ANKRD20A1: variants seen among roughly 807,000 people sequenced by gnomAD.
ANKRD20A1 encodes ankyrin repeat domain-containing protein 20A1.
ANKRD20A1 carries 2 observed loss-of-function variants against 50.9 expected under a neutral mutation model. The ratio of observed to expected loss-of-function variants is 0.04; its 90% CI spans 0.02 to 0.12. ANKRD20A1 has a LOEUF of 0.12. Ranked by LOEUF, ANKRD20A1 falls within the 10% of genes least tolerant of loss-of-function variation. The pLI is 1.00. For missense variants in ANKRD20A1, 31 were observed against 548.1 expected (o/e 0.06, Z 9.42); for synonymous variants, 10 against 186.2 (o/e 0.05, Z 7.70).
intron 11 of ANKRD20A1, among the ~76,000 whole-genome samples, chr9:67,888,895 G>C (rs1827907465): frequency 6.6e-6 from 1 of 150,760 alleles, no homozygotes; most frequent in Admixed American, 6.6e-5. Context: ...TGTCTGTCCT[G>C]TCTCACGGTG....
chr9:67,882,996 A>G (rs1025358012), intron 8 of ANKRD20A1, among the ~76,000 whole-genome samples: 2 of 151,018 alleles, frequency 1.3e-5, no homozygotes, highest in African/African-American at 2.4e-5. Flanking sequence ...ATAGTATTCC[A>G]TGGTGTATAT....
At chr9:67,871,617 A>T (rs934396319) in intron 6 of ANKRD20A1, among the ~76,000 whole-genome samples, 3 of 136,958 alleles carry the variant, frequency 2.2e-5, no homozygotes, top group Non-Finnish European at 4.8e-5. Context: ...CTTCGATTTC[A>T]TTTTTATAAT....
intron 7 of ANKRD20A1, 176 bp downstream of exon 7, chr9:67,877,966 CAACTATGGATT>C (rs1827759523): frequency 6.1e-6 from 1 of 162,626 alleles, no homozygotes; most frequent in South Asian, 5.8e-5. Flanking sequence ...ATTAAATAAA[CAACTATGGATT>C]AGAGCTGATT....
chr9:67,865,622 A>G (rs1216609964), intron 3 of ANKRD20A1, among the ~76,000 whole-genome samples: 1 of 146,068 alleles, frequency 6.8e-6, no homozygotes, highest in Non-Finnish European at 1.5e-5. Flanking sequence ...ACTCGTGAAG[A>G]AATGTGGACT....
intron 11 of ANKRD20A1, among the ~76,000 whole-genome samples, chr9:67,888,884 ATGTC>A (rs1188453079): frequency 2.6e-5 from 4 of 150,986 alleles, no homozygotes; most frequent in African/African-American, 9.7e-5. Flanking sequence ...TTTAAAATTT[ATGTC>A]TGTCCTGTCT....
rs1348953196 is a variant in ANKRD20A1 at position 67,884,266 on chromosome 9, T to C, written c.895-220T>C. 1.5e-3 allele frequency among the ~76,000 whole-genome samples: 225 copies of C among 150,040 alleles called. 4 individuals are homozygous for C. Among genetic ancestry groups the C allele is most frequent in the African/African-American group, 5.2e-3 (215 of 41,260 alleles). On this transcript the variant is annotated intron_variant, in intron 8 of 14. Transcript: ENST00000562196. ...TAACAATAAAAACATTAGCATGGCA[T>C]GATGGGACGCACCTGTAGTTCCAGC... is the stretch of plus-strand genomic sequence containing the variant.
intron 9 of ANKRD20A1, among the ~76,000 whole-genome samples, chr9:67,885,367 T>TGG (rs1475282058): frequency 2.0e-5 from 3 of 152,294 alleles, no homozygotes; most frequent in Non-Finnish European, 4.4e-5. Context: ...TCCTCACTAC[T>TGG]GGGGAGGCAT....
chr9:67,868,085 G>A (rs1476786307), intron 4 of ANKRD20A1, among the ~76,000 whole-genome samples: 1 of 126,026 alleles, frequency 7.9e-6, no homozygotes, highest in African/African-American at 2.8e-5. Context: ...ATTTGACTAG[G>A]AAAGCAACGG....
At chr9:67,900,256 CT>C (rs1318456423) in intron 14 of ANKRD20A1, among the ~76,000 whole-genome samples, 2 of 20,196 alleles carry the variant, frequency 9.9e-5, no homozygotes, top group African/African-American at 2.2e-4. Context: ...TAAAAATTCT[CT>C]GGTGTGTGTG....
At chr9:67,881,209 T>C (rs1231631484) in intron 8 of ANKRD20A1, among the ~76,000 whole-genome samples, 58 of 143,600 alleles carry the variant, frequency 4.0e-4, no homozygotes, top group Admixed American at 1.2e-3. Flanking sequence ...AACCCAGGAG[T>C]TTGAGAACAG....
intron 6 of ANKRD20A1, among the ~76,000 whole-genome samples, chr9:67,876,824 G>T (rs1282684342): frequency 1.4e-5 from 1 of 71,044 alleles, no homozygotes; most frequent in East Asian, 7.0e-4. Flanking sequence ...CAAAATAAGT[G>T]CAGTAGCTCC....
At chr9:67,881,362 C>T (rs1264383974) in intron 8 of ANKRD20A1, among the ~76,000 whole-genome samples, 2 of 149,092 alleles carry the variant, frequency 1.3e-5, no homozygotes, top group African/African-American at 4.9e-5. Flanking sequence ...GGCACTTCAT[C>T]TAATTGAATA....
chr9:67,885,519 A>C (rs1827867097), intron 9 of ANKRD20A1, among the ~76,000 whole-genome samples: 2 of 152,310 alleles, frequency 1.3e-5, no homozygotes, highest in South Asian at 4.1e-4. Flanking sequence ...ATATAGGCCA[A>C]ATTAACATAA....
chr9:67,860,366 C>G (rs1223014732), intron 1 of ANKRD20A1: 1 of 45,486 alleles, frequency 2.2e-5, no homozygotes, highest in African/African-American at 1.2e-4. Context: ...TATTATATAT[C>G]ATAAGATATA....
intron 8 of ANKRD20A1, among the ~76,000 whole-genome samples, chr9:67,882,285 T>A: frequency 6.6e-6 from 1 of 151,610 alleles, no homozygotes; most frequent in East Asian, 2.0e-4. Context: ...TCAGCCTTAA[T>A]AATGTTTAAT....
At chr9:67,871,633 GTTTATA>G (rs1827648554) in intron 6 of ANKRD20A1, among the ~76,000 whole-genome samples, 5 of 135,170 alleles carry the variant, frequency 3.7e-5, no homozygotes, top group Admixed American at 3.6e-4. Context: ...ATAATAAATT[GTTTATA>G]TTTAGTAAAC....
chr9:67,861,328 A>G lies in ANKRD20A1; in HGVS notation c.204-1613A>G, dbSNP rs1827498317. On this transcript the variant is annotated intron_variant, in intron 1 of 14. Coordinates refer to ENST00000562196, the MANE Select transcript of ANKRD20A1 (RefSeq NM_032250.5). ...TATTATGTACATATGTTTTGCTTAT[A>G]TACTCATTCCATTTATGCAAACATA... Among the ~76,000 whole-genome samples, 2 of 47,720 alleles carry G rather than the reference A, an allele frequency of 4.2e-5. 1 individual carries two copies. Among genetic ancestry groups the G allele is most frequent in the Non-Finnish European group, 8.4e-5 (2 of 23,836 alleles). The allele number at this position is 47,720 out of a possible 152,430, so 31.3% of individuals were successfully genotyped here.
chr9:67,873,460 AAAG>A (rs1382458852), intron 6 of ANKRD20A1, among the ~76,000 whole-genome samples: 4 of 152,410 alleles, frequency 2.6e-5, no homozygotes, highest in African/African-American at 9.6e-5. Flanking sequence ...CAAAAAAAGA[AAAG>A]AAAAACAGAT....
In ANKRD20A1 at chr9:67,900,476, TC is replaced by T. The variant is rs1244533842; in HGVS notation, c.1498-16del. 2.1e-6 allele frequency: 2 copies of T among 956,086 alleles called. 1 individual carries two copies. Among genetic ancestry groups the T allele is most frequent in the Non-Finnish European group, 2.8e-6 (2 of 723,514 alleles). The allele number at this position is 956,086 out of a possible 1,614,324, so 59.2% of individuals were successfully genotyped here. ...TTTTATTGAGTACTAGCTAAAATTT[TC>T]TTTTGTTTTATTTAGGATTTTCATA... is the stretch of plus-strand genomic sequence containing the variant. On this transcript the variant is annotated splice_polypyrimidine_tract_variant and intron_variant, in intron 14 of 14. Transcript: ENST00000562196.
Sources: gnomAD v4.1 joint callset for allele counts (sites outside exome capture counted in the v4.1 genomes callset) on GRCh38, gnomAD v4.1.1 for gene constraint, MANE v1.5 for transcripts, NCBI Gene and HGNC (gene_info 2026-07-23, HGNC 2026-07-21) for gene names.